Variants in ARHGEF28 observed in about 807,000 individuals in gnomAD.
The protein encoded by ARHGEF28 is 190 kDa guanine nucleotide exchange factor.
Under a neutral mutation model 206.6 loss-of-function variants are expected in ARHGEF28, and 152 were observed. The observed-to-expected ratio is 0.74, with a 90% CI of 0.64 to 0.84. ARHGEF28 has a LOEUF of 0.84. ARHGEF28 is among the 40% of genes least tolerant of loss of function. The pLI is 0.00. For synonymous variants in ARHGEF28, 763 were observed against 776.4 expected (o/e 0.98, Z 0.29); for missense variants, 2,028 against 2,073.2 (o/e 0.98, Z 0.42).
intron 1 of ARHGEF28, among the ~76,000 whole-genome samples, chr5:73,665,331 A>AT (rs1488263805): frequency 6.6e-6 from 1 of 151,936 alleles, no homozygotes; most frequent in African/African-American, 2.4e-5. Context: ...CTATTTATTT[A>AT]TTTTTTTAGA....
intron 2 of ARHGEF28, among the ~76,000 whole-genome samples, chr5:73,704,784 A>G (rs879586988): frequency 1.3e-5 from 2 of 152,180 alleles, no homozygotes; most frequent in Non-Finnish European, 2.9e-5. Context: ...CAGAAAGGCC[A>G]CATTTTGCCT....
chr5:73,795,516 C>T (rs553955123), intron 9 of ARHGEF28, 125 bp downstream of exon 9: 80 of 797,866 alleles, frequency 1.0e-4, no homozygotes, highest in Non-Finnish European at 1.2e-4. Context: ...TTTCCTGAAA[C>T]GCATCCAGAT....
At chr5:73,705,603 G>A (rs1748882984) in intron 2 of ARHGEF28, among the ~76,000 whole-genome samples, 1 of 151,900 alleles carries the variant, frequency 6.6e-6, no homozygotes, top group Non-Finnish European at 1.5e-5. Context: ...TTGTGTGCAT[G>A]CCTCTGAAAG....
chr5:73,769,055 A>G (rs1753070972), intron 4 of ARHGEF28, among the ~76,000 whole-genome samples: 1 of 152,200 alleles, frequency 6.6e-6, no homozygotes, highest in African/African-American at 2.4e-5. Context: ...CTCCCTAGCC[A>G]TATGGAACTG....
chr5:73,754,822 G>A (rs751024736), intron 4 of ARHGEF28, among the ~76,000 whole-genome samples: 28 of 151,640 alleles, frequency 1.8e-4, no homozygotes, highest in Non-Finnish European at 3.4e-4. Flanking sequence ...TCAGATTCCC[G>A]GGTATCTAAG....
intron 33 of ARHGEF28, among the ~76,000 whole-genome samples, chr5:73,907,838 A>G (rs1449287044): frequency 6.6e-6 from 1 of 152,226 alleles, no homozygotes; most frequent in South Asian, 2.1e-4. Context: ...CCCAAATGTT[A>G]GATAGACATG....
At chr5:73,743,934 G>A (rs1751578151) in intron 2 of ARHGEF28, among the ~76,000 whole-genome samples, 1 of 152,080 alleles carries the variant, frequency 6.6e-6, no homozygotes, top group African/African-American at 2.4e-5. Context: ...AACATGGTGG[G>A]GAGAAAATGT....
intron 35 of ARHGEF28, among the ~76,000 whole-genome samples, chr5:73,924,155 C>T (rs1191729966): frequency 1.3e-5 from 2 of 152,080 alleles, no homozygotes. Flanking sequence ...ATGTAATGAG[C>T]CTTATGTACA....
chr5:73,718,070 T>C (rs1749699219), intron 2 of ARHGEF28, among the ~76,000 whole-genome samples: 1 of 152,054 alleles, frequency 6.6e-6, no homozygotes, highest in Non-Finnish European at 1.5e-5. Flanking sequence ...AGAGATGGGG[T>C]TTCACTATGT....
chr5:73,749,291 C>T (rs1268321585), intron 2 of ARHGEF28, among the ~76,000 whole-genome samples: 1 of 152,190 alleles, frequency 6.6e-6, no homozygotes, highest in East Asian at 1.9e-4. Context: ...GAATAATTAT[C>T]ATGAACTTTT....
At chr5:73,787,702 A>G (rs1289959642) in intron 7 of ARHGEF28, among the ~76,000 whole-genome samples, 1 of 152,182 alleles carries the variant, frequency 6.6e-6, no homozygotes. Flanking sequence ...TGCAAAGGAC[A>G]TGAACTCATA....
chr5:73,762,455 CAAAAA>C (rs35028103), intron 4 of ARHGEF28, among the ~76,000 whole-genome samples: 8 of 66,872 alleles, frequency 1.2e-4, no homozygotes, highest in African/African-American at 3.1e-4. Flanking sequence ...GACTCCCTCT[CAAAAA>C]AAAAAAAAAA....
chr5:73,706,552 G>A (rs1748944696), intron 2 of ARHGEF28, among the ~76,000 whole-genome samples: 1 of 152,154 alleles, frequency 6.6e-6, no homozygotes, highest in African/African-American at 2.4e-5. Flanking sequence ...GGTTTTTCCT[G>A]CCGATTTCTG....
intron 22 of ARHGEF28, among the ~76,000 whole-genome samples, chr5:73,874,396 T>A (rs1004872337): frequency 6.6e-6 from 1 of 152,168 alleles, no homozygotes; most frequent in African/African-American, 2.4e-5. Context: ...TTTCAAGTTT[T>A]TTTATTTATT....
intron 35 of ARHGEF28, among the ~76,000 whole-genome samples, chr5:73,937,699 T>A (rs1393801607): frequency 1.3e-5 from 2 of 152,222 alleles, no homozygotes; most frequent in Admixed American, 6.5e-5. Context: ...CAAATGAAAC[T>A]GGGTGATTAC....
chr5:73,750,145 C>G (rs1751950111), intron 3 of ARHGEF28, among the ~76,000 whole-genome samples, 161 bp downstream of exon 3: 2 of 152,108 alleles, frequency 1.3e-5, no homozygotes, highest in Admixed American at 6.5e-5. Context: ...AGGAAGAACA[C>G]TCACATCTGA....
chr5:73,837,219 T>G (rs1757699961), intron 10 of ARHGEF28, among the ~76,000 whole-genome samples: 1 of 152,082 alleles, frequency 6.6e-6, no homozygotes, highest in African/African-American at 2.4e-5. Flanking sequence ...ATAATTTTGA[T>G]AGAGATTAAA....
chr5:73,838,523 A>T (rs12655289), intron 10 of ARHGEF28, among the ~76,000 whole-genome samples: 9,219 of 152,290 alleles, frequency 0.061, 451 homozygotes, highest in African/African-American at 0.12. Flanking sequence ...TAAACTACTT[A>T]GAAAAACACA....
At chr5:73,852,573 G>A in intron 13 of ARHGEF28, 77 bp from the exon 14 acceptor site, 1 of 1,226,696 alleles carries the variant, frequency 8.2e-7, no homozygotes, top group Non-Finnish European at 1.2e-6. Context: ...CAATATGGTT[G>A]AGTATGCATT....
Sources: gnomAD v4.1 joint callset for allele counts (sites outside exome capture counted in the v4.1 genomes callset) on GRCh38, gnomAD v4.1.1 for gene constraint, MANE v1.5 for transcripts, NCBI Gene and HGNC (gene_info 2026-07-23, HGNC 2026-07-21) for gene names.